Variants in ZNF454 observed in about 807,000 individuals in gnomAD.
ZNF454 encodes zinc finger protein 454.
In ZNF454, 30 loss-of-function variants were observed where a neutral mutation model predicts 48.2. The ratio of observed to expected loss-of-function variants is 0.62; its 90% CI spans 0.47 to 0.84. The LOEUF (loss-of-function observed/expected upper bound fraction) is 0.84, where lower values mean the gene tolerates loss of function less well. Among genes scored for constraint, ZNF454 ranks in the 40% least tolerant of loss-of-function variants. The pLI, the probability that ZNF454 is intolerant of heterozygous loss-of-function variation, is 0.00. For synonymous variants in ZNF454, 204 were observed against 211.4 expected (o/e 0.97, Z 0.30); for missense variants, 510 against 623.1 (o/e 0.82, Z 1.93).
the ZNF454 span, chr5:178,989,134 G>A: frequency 6.2e-6 from 10 of 1,613,420 alleles, no homozygotes; most frequent in East Asian, 8.9e-5. Context: ...TGCGTTCCTC[G>A]CCTGTCCTAG....
At chr5:178,981,426 C>T in the ZNF454 span, 118 of 467,198 alleles carry the variant, frequency 2.5e-4, no homozygotes, top group South Asian at 8.7e-4. The surrounding 1 kb of genome is among the most constrained non-coding windows in gnomAD (Gnocchi z 5.1). Context: ...TGTTTCCCAC[C>T]ATGGGAAGCG....
At position 178,965,988 on chromosome 5, in the gene ZNF454, G is replaced by A; in HGVS notation, c.*15G>A. ...GAGAGAAGTGATATGAATGCAGTTT[G>A]TATGGAAGACCTTTGAGACTGAGTA... On this transcript the variant is annotated 3_prime_UTR_variant, in exon 5 of 5. Coordinates refer to ENST00000519564, the MANE Select transcript of ZNF454 (RefSeq NM_001178089.3). The surrounding 1 kb of genome is among the most constrained non-coding windows in gnomAD (Gnocchi z 5.2). 6.5e-7 allele frequency: 1 copy of A among 1,531,062 alleles called. No homozygotes were observed. Among genetic ancestry groups the A allele is most frequent in the Non-Finnish European group, 8.8e-7 (1 of 1,137,732 alleles). 94.8% of individuals were successfully genotyped at this position (1,531,062 alleles called of 1,614,324 possible).
chr5:178,971,361 T>C (rs573721670), downstream of ZNF454, among the ~76,000 whole-genome samples: 4 of 152,132 alleles, frequency 2.6e-5, no homozygotes, highest in Non-Finnish European at 2.9e-5. Context: ...TTAGACTGGC[T>C]AGTTTGTGTC....
chr5:178,944,385 A>G lies in ZNF454; in HGVS notation c.33+1561A>G, dbSNP rs76281977. Reference sequence around the variant, plus strand: ...CTCAAAGTCACTGTCGGTGTCATACAATTTATCTTGTGTTTATAGGCTGCC... The same window carrying G: ...CTCAAAGTCACTGTCGGTGTCATACGATTTATCTTGTGTTTATAGGCTGCC... On this transcript the variant is annotated intron_variant, in intron 2 of 4. Transcript: ENST00000519564. This position sits in a 1 kb window ranked among gnomAD's most constrained non-coding sequence, Gnocchi z 4.1. Among the ~76,000 whole-genome samples, 2,158 of 152,274 alleles carry G rather than the reference A, an allele frequency of 0.014. 52 individuals carry two copies. The highest frequency in any genetic ancestry group is 0.048 in the African/African-American group (2,014 of 41,534).
chr5:178,960,352 G>T (rs746493840), intron 4 of ZNF454, among the ~76,000 whole-genome samples: 3 of 151,140 alleles, frequency 2.0e-5, no homozygotes, highest in Middle Eastern at 3.4e-3. Flanking sequence ...CCACCTCCCC[G>T]GTTCAAGCGA....
In ZNF454 at chr5:178,946,732, C is replaced by G. The variant is rs1561695612; in HGVS notation, c.161-165C>G. ...AGGGGAACATGGGATAAGATTGTGTCAGGCCTGAGTAATCTTTTCCTCCCT... is the reference window on the plus strand; with the variant it reads ...AGGGGAACATGGGATAAGATTGTGTGAGGCCTGAGTAATCTTTTCCTCCCT... On this transcript the variant is annotated intron_variant, in intron 3 of 4. Transcript: ENST00000519564. The surrounding 1 kb of genome is among the most constrained non-coding windows in gnomAD (Gnocchi z 4.5). 6.6e-6 allele frequency among the ~76,000 whole-genome samples: 1 copy of G among 152,192 alleles called. No individual in the cohort carries two copies. The highest frequency in any genetic ancestry group is 1.9e-4 in the East Asian group (1 of 5,180).
chr5:178,985,923 G>A, the ZNF454 span, among the ~76,000 whole-genome samples: 1 of 152,048 alleles, frequency 6.6e-6, no homozygotes, highest in Admixed American at 6.6e-5. Flanking sequence ...CACCATGCCT[G>A]GCTAATTTTC....
At chr5:178,950,599 C>T (rs535766281) in intron 4 of ZNF454, among the ~76,000 whole-genome samples, 2 of 152,294 alleles carry the variant, frequency 1.3e-5, no homozygotes, top group African/African-American at 2.4e-5. Context: ...CACCAATGCT[C>T]GGTGATTCCT....
chr5:178,950,685 C>T (rs984340464), intron 4 of ZNF454, among the ~76,000 whole-genome samples: 4 of 151,972 alleles, frequency 2.6e-5, no homozygotes, highest in African/African-American at 7.3e-5. Flanking sequence ...TTTGCTACAT[C>T]GATTGTACAT....
At chr5:178,986,005 A>G in the ZNF454 span, 4 of 856,258 alleles carry the variant, frequency 4.7e-6, no homozygotes, top group Admixed American at 2.7e-5. Flanking sequence ...CAGGTGATCC[A>G]CCCACCTCAG....
At chr5:178,951,649 A>T (rs1395419240) in intron 4 of ZNF454, among the ~76,000 whole-genome samples, 1 of 152,208 alleles carries the variant, frequency 6.6e-6, no homozygotes, top group Non-Finnish European at 1.5e-5. Flanking sequence ...TCAGTGATAT[A>T]CCTTACTTTA....
In ZNF454 at chr5:178,948,369, C is replaced by T. The variant is rs569301166; in HGVS notation, c.250+1383C>T. Among the ~76,000 whole-genome samples, 26 of 152,232 alleles carry T rather than the reference C, an allele frequency of 1.7e-4. No individual in the cohort carries two copies. In the East Asian group the frequency reaches 4.6e-3, roughly 27 times the overall value. ...CTGTATTATACAAATAGTCTTATAACAAAAATGGAGGCAATTAAAAGAAAT... is the reference window on the plus strand; with the variant it reads ...CTGTATTATACAAATAGTCTTATAATAAAAATGGAGGCAATTAAAAGAAAT... On this transcript the variant is annotated intron_variant, in intron 4 of 4. Transcript: ENST00000519564.
the ZNF454 span, chr5:178,983,639 C>T: frequency 2.5e-5 from 9 of 353,484 alleles, no homozygotes; most frequent in Middle Eastern, 3.8e-4. Flanking sequence ...AGCCTCCTCA[C>T]GTGTACTGAG....
the ZNF454 span, chr5:178,989,535 G>A: frequency 5.2e-6 from 6 of 1,147,524 alleles, no homozygotes; most frequent in South Asian, 1.3e-5. Flanking sequence ...GGTGAACTAG[G>A]CATGGCCAGG....
At chr5:178,968,843 C>T (rs1347587874), downstream of ZNF454, 1 of 456,722 alleles carries the variant, frequency 2.2e-6, no homozygotes, top group Admixed American at 2.3e-5. Flanking sequence ...GAGCCAGGAC[C>T]AAGGCGTGCA....
intron 2 of ZNF454, among the ~76,000 whole-genome samples, chr5:178,945,525 T>TGTG (rs1759294519): frequency 6.8e-6 from 1 of 146,164 alleles, no homozygotes. Flanking sequence ...CATCTCTGTG[T>TGTG]GGGGGGTGTG....
At position 178,942,790 on chromosome 5, in the gene ZNF454, G is replaced by A; in HGVS notation, c.-2G>A. On this transcript the variant is annotated 5_prime_UTR_variant, in exon 2 of 5. Transcript: ENST00000519564. Reference sequence around the variant, plus strand: ...CTAAGAGGGCTCATCGGAGAAGAAAGAATGGCTGTCAGCCACCTGCCAACC... The same window carrying A: ...CTAAGAGGGCTCATCGGAGAAGAAAAAATGGCTGTCAGCCACCTGCCAACC... 1 of 1,614,014 alleles carries A rather than the reference G, an allele frequency of 6.2e-7. No individual in the cohort carries two copies. The highest frequency in any genetic ancestry group is 8.5e-7 in the Non-Finnish European group (1 of 1,179,972).
intron 2 of ZNF454, among the ~76,000 whole-genome samples, chr5:178,945,028 ATGTG>A (rs150814446): frequency 8.0e-6 from 1 of 124,482 alleles, no homozygotes; most frequent in Non-Finnish European, 1.6e-5. Flanking sequence ...ACACGTGTGC[ATGTG>A]TGTGTGTGTG....
chr5:178,985,494 G>C, the ZNF454 span: 2 of 341,654 alleles, frequency 5.9e-6, no homozygotes, highest in Admixed American at 4.0e-5. Context: ...ACGAGGTCAG[G>C]AGATCGAGAC....
Sources: allele counts gnomAD v4.1 joint callset (sites outside exome capture counted in the v4.1 genomes callset), GRCh38; gene constraint gnomAD v4.1.1; non-coding constraint Gnocchi (gnomAD v3.1); transcripts MANE v1.5; gene names NCBI Gene and HGNC (gene_info 2026-07-23, HGNC 2026-07-21).